The following SLC12A1 variants were observed in gnomAD, a reference collection of about 807,000 sequenced individuals.
The protein encoded by SLC12A1 is solute carrier family 12 member 1.
Under a neutral mutation model 130.4 loss-of-function variants are expected in SLC12A1, and 89 were observed. The ratio of observed to expected loss-of-function variants is 0.68; its 90% CI spans 0.58 to 0.81. The LOEUF is 0.81. SLC12A1 is among the 40% of genes least tolerant of loss of function. The pLI is 0.00. For synonymous variants in SLC12A1, 499 were observed against 460.0 expected, an observed-to-expected ratio of 1.08 and a Z score of -1.09; for missense variants, 1,310 against 1,336.4, an observed-to-expected ratio of 0.98 and a Z score of 0.31.
Position 48,226,518 on chromosome 15 carries a change from C to A in SLC12A1, c.671C>A (p.Ser224Tyr). Reference sequence around the variant, plus strand: ...ATTCTTCTTTCCACCATGGTAACTTCTATTACTGGGTTGTCAACTTCTGCG... The same window carrying A: ...ATTCTTCTTTCCACCATGGTAACTTATATTACTGGGTTGTCAACTTCTGCG... The part of the protein sequence containing the change: ...LIILLSTMVT[S>Y]ITGLSTSAIA... Residue 224 changes from serine to tyrosine, a missense_variant, in exon 5 of 27, where the codon TCT (serine) becomes TAT (tyrosine). By Grantham distance (144) the Ser-to-Tyr change is moderately radical (BLOSUM62 -2). Transcript: ENST00000380993. The A allele has an allele frequency of 6.2e-7, 1 of 1,608,116 alleles. No individual in the cohort carries two copies. Among genetic ancestry groups the A allele is most frequent in the Non-Finnish European group, 8.5e-7 (1 of 1,177,736 alleles).
At chr15:48,265,633 A>G (rs184043575) in intron 17 of SLC12A1, among the ~76,000 whole-genome samples, 1 of 152,266 alleles carries the variant, frequency 6.6e-6, no homozygotes, top group East Asian at 1.9e-4. Context: ...CAATCTCTCT[A>G]TCTTTTCTAT....
intron 15 of SLC12A1, among the ~76,000 whole-genome samples, chr15:48,254,517 T>C (rs2041680911): frequency 6.8e-6 from 1 of 146,078 alleles, no homozygotes; most frequent in Non-Finnish European, 1.5e-5. Context: ...GTTTGTCATC[T>C]GGGGTGTATC....
chr15:48,225,183 C>T (rs1041421751), intron 4 of SLC12A1: 3 of 152,116 alleles, frequency 2.0e-5, no homozygotes, highest in African/African-American at 7.2e-5. Flanking sequence ...TTTGAGGTGA[C>T]TTATCATAAT....
In SLC12A1 at chr15:48,299,118, T is replaced by G. The variant is rs750141655; in HGVS notation, c.2961-22T>G. On this transcript the variant is annotated intron_variant, in intron 24 of 26. Transcript: ENST00000380993. ...TGAGTTAGTTTCCCACTGTGAGGCC[T>G]CCTTTATAATTCAAATTTTAGCTGG... is the stretch of plus-strand genomic sequence containing the variant. 8 of 1,593,424 alleles carry G rather than the reference T, an allele frequency of 5.0e-6. No individual in the cohort carries two copies. In the South Asian group the frequency reaches 9.3e-5, roughly 19 times the overall value.
chr15:48,300,377 TA>T (rs2042220325), intron 25 of SLC12A1, among the ~76,000 whole-genome samples: 1 of 151,934 alleles, frequency 6.6e-6, no homozygotes, highest in South Asian at 2.1e-4. Flanking sequence ...TTAATCAATT[TA>T]AAAGCTCTTC....
At chr15:48,285,271 CA>C (rs771062030) in intron 21 of SLC12A1, 22 bp downstream of exon 21, 1 of 1,608,362 alleles carries the variant, frequency 6.2e-7, no homozygotes, top group Non-Finnish European at 8.5e-7. Flanking sequence ...TTAAAATTTG[CA>C]AAAAAGTTTA....
intron 20 of SLC12A1, among the ~76,000 whole-genome samples, chr15:48,279,103 C>A (rs1314441155): frequency 6.6e-6 from 1 of 152,204 alleles, no homozygotes; most frequent in Non-Finnish European, 1.5e-5. Flanking sequence ...TACACAAATA[C>A]ATGAAGAACA....
At chr15:48,259,079 A>T in intron 16 of SLC12A1, 121 bp from the exon 17 acceptor site, 2 of 642,336 alleles carry the variant, frequency 3.1e-6, no homozygotes, top group East Asian at 2.6e-5. Flanking sequence ...AACCCAAAAA[A>T]TAGATAGGGG....
At chr15:48,215,062 C>G (rs1733449651) in intron 2 of SLC12A1, among the ~76,000 whole-genome samples, 1 of 150,740 alleles carries the variant, frequency 6.6e-6, no homozygotes, top group Admixed American at 6.6e-5. Flanking sequence ...TATTTATTTT[C>G]CCTGCTTTGA....
chr15:48,230,894 CA>C (rs1402489648), intron 7 of SLC12A1, among the ~76,000 whole-genome samples: 6 of 152,168 alleles, frequency 3.9e-5, no homozygotes, highest in Non-Finnish European at 7.3e-5. Context: ...ATAAGAGAGG[CA>C]AAAACTATCA....
intron 2 of SLC12A1, among the ~76,000 whole-genome samples, chr15:48,210,870 A>T (rs1352524938): frequency 6.6e-6 from 1 of 152,030 alleles, no homozygotes; most frequent in African/African-American, 2.4e-5. Context: ...TCTCAAAAAA[A>T]AAAAGAAACA....
chr15:48,302,687 A>G (rs990728978), intron 26 of SLC12A1, 63 bp from the exon 27 acceptor site: 20 of 1,111,422 alleles, frequency 1.8e-5, no homozygotes, highest in Middle Eastern at 4.2e-4. Flanking sequence ...CAGAAATACT[A>G]GTGCCGTTAC....
chr15:48,288,605 C>G (rs538276272), intron 23 of SLC12A1, 89 bp downstream of exon 23: 1 of 677,114 alleles, frequency 1.5e-6, no homozygotes, highest in Admixed American at 2.5e-5. Context: ...GTCTCTGAGA[C>G]ACAATAGACT....
intron 9 of SLC12A1, chr15:48,237,478 T>A (rs2041453000): frequency 6.6e-6 from 1 of 152,350 alleles, no homozygotes; most frequent in Non-Finnish European, 1.5e-5. Flanking sequence ...GGTTGTTATG[T>A]TAGTGAAGAA....
At chr15:48,277,031 G>A (rs903197268) in intron 20 of SLC12A1, among the ~76,000 whole-genome samples, 2 of 152,162 alleles carry the variant, frequency 1.3e-5, no homozygotes, top group African/African-American at 4.8e-5. Flanking sequence ...AGTGGGTTGA[G>A]GAGAGACTAT....
intron 17 of SLC12A1, among the ~76,000 whole-genome samples, chr15:48,259,789 C>G (rs939101859): frequency 2.0e-5 from 3 of 152,036 alleles, no homozygotes; most frequent in Admixed American, 6.5e-5. Context: ...AAAAACTAAA[C>G]CAAGTTTTTC....
chr15:48,289,964 T>C (rs1228737863), intron 23 of SLC12A1, among the ~76,000 whole-genome samples: 1 of 152,238 alleles, frequency 6.6e-6, no homozygotes, highest in African/African-American at 2.4e-5. Flanking sequence ...TATTTTTTTC[T>C]TCAATAATAA....
rs929741876 is a variant in SLC12A1, at chr15:48,247,358, T to G, written c.1582T>G (p.Tyr528Asp). The G allele has an allele frequency of 6.2e-7, 1 of 1,613,346 alleles. No homozygotes were observed. Among genetic ancestry groups the G allele is most frequent in the Middle Eastern group, 1.7e-4 (1 of 6,058 alleles). ...TTAGGCTCTGTGCAAGGACAACATC[T>G]ACAAAGCCCTGCAGTTTTTTGCAAA... ...VFQALCKDNI[Y>D]KALQFFAKGY... The change falls in exon 13 of 27, where the codon TAC becomes GAC. Residue 528 changes from tyrosine (Y) to aspartate (D), a missense_variant. By Grantham distance (160) the Tyr-to-Asp change is radical. Coordinates refer to ENST00000380993, the MANE Select transcript of SLC12A1 (RefSeq NM_000338.3).
chr15:48,274,862 G>C (rs1190677938), intron 20 of SLC12A1, among the ~76,000 whole-genome samples: 1 of 152,184 alleles, frequency 6.6e-6, no homozygotes, highest in Non-Finnish European at 1.5e-5. Context: ...CAGAAATATA[G>C]AGGAATTCAA....
Sources: gnomAD v4.1 joint callset for allele counts (sites outside exome capture counted in the v4.1 genomes callset) on GRCh38, gnomAD v4.1.1 for gene constraint, MANE v1.5 for transcripts, NCBI Gene and HGNC (gene_info 2026-07-23, HGNC 2026-07-21) for gene names.